The following GALK2 variants were observed in gnomAD, a reference collection of about 807,000 sequenced individuals.
The protein encoded by GALK2 is galactokinase 2, also known as N-acetylgalactosamine kinase.
In GALK2, 36 loss-of-function variants were observed where a neutral mutation model predicts 52.4. The ratio of observed to expected loss-of-function variants is 0.69; its 90% CI spans 0.53 to 0.91. GALK2 has a LOEUF of 0.91. Ranked by LOEUF, GALK2 falls within the 40% of genes least tolerant of loss-of-function variation. GALK2 has a pLI of 0.00. For missense variants in GALK2, 579 were observed against 559.1 expected, an observed-to-expected ratio of 1.04 and a Z score of -0.36; for synonymous variants, 176 against 199.1, an observed-to-expected ratio of 0.88 and a Z score of 0.98.
chr15:49,260,043 G>A (rs1275522444), intron 5 of GALK2, among the ~76,000 whole-genome samples: 9 of 151,296 alleles, frequency 5.9e-5, no homozygotes, highest in African/African-American at 2.2e-4. Context: ...ATAAACATAC[G>A]TGTGCATGTG....
intron 5 of GALK2, among the ~76,000 whole-genome samples, chr15:49,281,758 G>C (rs1015388529): frequency 1.3e-5 from 2 of 152,188 alleles, no homozygotes; most frequent in Non-Finnish European, 2.9e-5. Flanking sequence ...CGAAAACATA[G>C]TGTGCACGGT....
chr15:49,338,826 T>C (rs2040223919), intron 3 of GALK2, among the ~76,000 whole-genome samples: 1 of 152,188 alleles, frequency 6.6e-6, no homozygotes, highest in African/African-American at 2.4e-5. Context: ...TGTTCGTTTC[T>C]TTTCATTCTT....
intron 8 of GALK2, among the ~76,000 whole-genome samples, chr15:49,302,972 A>G (rs2035235823): frequency 6.6e-6 from 1 of 152,208 alleles, no homozygotes; most frequent in South Asian, 2.1e-4. Context: ...CACAAAAGAT[A>G]TTATTCTTTA....
At chr15:49,292,216 A>C in intron 7 of GALK2, 111 bp from the exon 8 acceptor site, 1 of 947,614 alleles carries the variant, frequency 1.1e-6, no homozygotes, top group Admixed American at 2.6e-5. Context: ...ATAGGTTGAA[A>C]GGAAAACAAC....
At chr15:49,348,165 C>T (rs771260159) in intron 3 of GALK2, among the ~76,000 whole-genome samples, 1 of 152,052 alleles carries the variant, frequency 6.6e-6, no homozygotes, top group Non-Finnish European at 1.5e-5. Flanking sequence ...TACAGAAATT[C>T]CAGCATTTTT....
At chr15:49,239,737 G>A (rs569143603) in intron 5 of GALK2, among the ~76,000 whole-genome samples, 2 of 152,210 alleles carry the variant, frequency 1.3e-5, no homozygotes, top group African/African-American at 4.8e-5. Context: ...ACAAGTAGTG[G>A]GTTACAAGGG....
At chr15:49,206,781 A>C (rs1310257755) in intron 2 of GALK2, among the ~76,000 whole-genome samples, 1 of 152,082 alleles carries the variant, frequency 6.6e-6, no homozygotes, top group Non-Finnish European at 1.5e-5. Context: ...TATCATCAGC[A>C]AACAGTGACA....
chr15:49,186,340 A>C (rs1049724904), intron 1 of GALK2, among the ~76,000 whole-genome samples: 1 of 151,788 alleles, frequency 6.6e-6, no homozygotes, highest in African/African-American at 2.4e-5. Flanking sequence ...TGTATTTTCA[A>C]ATACCCTGTC....
At chr15:49,216,153 C>G (rs895850274) in intron 2 of GALK2, among the ~76,000 whole-genome samples, 1 of 152,216 alleles carries the variant, frequency 6.6e-6, no homozygotes, top group African/African-American at 2.4e-5. Context: ...GCTTCCACAG[C>G]TGGCACTGTG....
At chr15:49,302,629 G>C (rs2035209987) in intron 8 of GALK2, among the ~76,000 whole-genome samples, 1 of 152,206 alleles carries the variant, frequency 6.6e-6, no homozygotes, top group African/African-American at 2.4e-5. Flanking sequence ...TCTCAATTAT[G>C]AAGGAAATTG....
intron 1 of GALK2, among the ~76,000 whole-genome samples, chr15:49,191,495 G>T (rs1045999628): frequency 2.0e-5 from 3 of 152,108 alleles, no homozygotes; most frequent in African/African-American, 7.2e-5. Context: ...ATACTTTAAA[G>T]AAATTTCTCC....
At chr15:49,156,265 A>G (rs529299892) in intron 1 of GALK2, 1 of 516,062 alleles carries the variant, frequency 1.9e-6, no homozygotes, top group Non-Finnish European at 3.5e-6. Flanking sequence ...AAATTAAGGT[A>G]ACAACGACTG....
At chr15:49,325,372 TG>T (rs1240113419) in intron 9 of GALK2, among the ~76,000 whole-genome samples, 3 of 152,258 alleles carry the variant, frequency 2.0e-5, no homozygotes, top group African/African-American at 7.2e-5. Context: ...ATTGCCTCTC[TG>T]ATGTGCAATA....
At chr15:49,234,790 G>A (rs998979146) in intron 3 of GALK2, among the ~76,000 whole-genome samples, 5 of 150,234 alleles carry the variant, frequency 3.3e-5, no homozygotes, top group Admixed American at 6.6e-5. Context: ...TTTTTGAGAC[G>A]GAATCTTGCT....
At chr15:49,324,286 G>A (rs918634923) in intron 9 of GALK2, among the ~76,000 whole-genome samples, 1 of 151,406 alleles carries the variant, frequency 6.6e-6, no homozygotes, top group Non-Finnish European at 1.5e-5. Context: ...TGGTGAGGCT[G>A]CTCAGCCTCT....
intron 5 of GALK2, among the ~76,000 whole-genome samples, chr15:49,254,723 A>T (rs561928601): frequency 6.9e-6 from 1 of 144,016 alleles, no homozygotes; most frequent in African/African-American, 2.5e-5. Flanking sequence ...ACAGAAACCT[A>T]TGTGTTAATG....
At chr15:49,181,545 C>T (rs1415402821) in intron 1 of GALK2, among the ~76,000 whole-genome samples, 2 of 145,550 alleles carry the variant, frequency 1.4e-5, no homozygotes, top group South Asian at 2.2e-4. Context: ...ACTCTGTTGC[C>T]CAGGCTGGAG....
chr15:49,244,433 A>G (rs987934238), intron 5 of GALK2, among the ~76,000 whole-genome samples: 6 of 152,210 alleles, frequency 3.9e-5, no homozygotes, highest in Non-Finnish European at 1.5e-5. Context: ...AAGAACGGAA[A>G]GAAATCATAA....
chr15:49,222,960 G>A (rs767274996), intron 3 of GALK2, among the ~76,000 whole-genome samples: 1 of 152,174 alleles, frequency 6.6e-6, no homozygotes, highest in African/African-American at 2.4e-5. Context: ...AAGAGGATTG[G>A]TATTTGTTCT....
Sources: allele counts gnomAD v4.1 joint callset (sites outside exome capture counted in the v4.1 genomes callset), GRCh38; gene constraint gnomAD v4.1.1; transcripts MANE v1.5; gene names NCBI Gene and HGNC (gene_info 2026-07-23, HGNC 2026-07-21).